Variants in ELFN1 observed in about 807,000 individuals in gnomAD.
ELFN1 encodes the protein protein ELFN1.
In ELFN1, 6 loss-of-function variants were observed where a neutral mutation model predicts 7.6. The ratio of observed to expected loss-of-function variants is 0.79; its 90% CI spans 0.43 to 1.56. ELFN1 has a LOEUF of 1.56. Ranked by LOEUF, ELFN1 falls within the 40% of genes most tolerant of loss-of-function variation. ELFN1 has a pLI of 0.01. For missense variants in ELFN1, 1,169 were observed against 1,232.2 expected (o/e 0.95, Z 0.77); for synonymous variants, 657 against 588.1 (o/e 1.12, Z -1.70).
intron 3 of ELFN1, among the ~76,000 whole-genome samples, chr7:1,736,820 G>A (rs554353523): frequency 5.3e-5 from 8 of 152,162 alleles, no homozygotes; most frequent in Non-Finnish European, 1.0e-4. Context: ...TCCTGCTGTG[G>A]CCAGCTCTCC....
chr7:1,689,553 C>T (rs995547563), intron 2 of ELFN1, among the ~76,000 whole-genome samples: 1 of 152,200 alleles, frequency 6.6e-6, no homozygotes, highest in African/African-American at 2.4e-5. Context: ...TCCACCTTTG[C>T]TGGGGGCTGG....
At chr7:1,713,279 C>T (rs761237223) in intron 3 of ELFN1, among the ~76,000 whole-genome samples, 1 of 152,196 alleles carries the variant, frequency 6.6e-6, no homozygotes, top group Non-Finnish European at 1.5e-5. Flanking sequence ...GTAGATGGGA[C>T]GCTTCCCAGC....
At chr7:1,679,581 C>T (rs1009203073) in intron 1 of ELFN1, among the ~76,000 whole-genome samples, 7 of 152,180 alleles carry the variant, frequency 4.6e-5, no homozygotes, top group South Asian at 2.1e-4. Context: ...CGAGCTCTCC[C>T]GGGGAGGATG....
intron 3 of ELFN1, among the ~76,000 whole-genome samples, chr7:1,741,928 A>G (rs983401977): frequency 1.3e-5 from 2 of 152,074 alleles, no homozygotes; most frequent in South Asian, 2.1e-4. Flanking sequence ...CATGTACACA[A>G]TCACCTGCCC....
At position 1,747,158 on chromosome 7, in the gene ELFN1, A is replaced by G; in HGVS notation, c.*75A>G. 7.4e-7 allele frequency: 1 copy of G among 1,359,304 alleles called. No homozygotes were observed. The highest frequency in any genetic ancestry group is 1.7e-5 in the South Asian group (1 of 57,842). 84.2% of individuals were successfully genotyped at this position (1,359,304 alleles called of 1,614,324 possible). ...ACCCAGAGACTCAGCACCAAACCCA[A>G]CACACGCACGCCACCACAGCAACTG... On this transcript the variant is annotated 3_prime_UTR_variant, in exon 4 of 4. Transcript: ENST00000424383.
chr7:1,666,129 C>T (rs1164030620), upstream of ELFN1, among the ~76,000 whole-genome samples: 6 of 152,132 alleles, frequency 3.9e-5, no homozygotes, highest in African/African-American at 1.2e-4. This position sits in a 1 kb window ranked among gnomAD's most constrained non-coding sequence, Gnocchi z 7.9. Context: ...CTCTGCTCGC[C>T]CGCGACAGTG....
In ELFN1 at chr7:1,673,049, G is replaced by C. The variant is rs1012958897; in HGVS notation, c.-549+2695G>C. ...TGAACCTGGAGCGGATGGTGGCACC[G>C]CCGCGGACATTGGATACATTTGTCA... On this transcript the variant is annotated intron_variant, in intron 1 of 3. Transcript: ENST00000424383. The surrounding 1 kb of genome is among the most constrained non-coding windows in gnomAD (Gnocchi z 4.7). Among the ~76,000 whole-genome samples, 2 of 151,896 alleles carry C rather than the reference G, an allele frequency of 1.3e-5. No individual in the cohort carries two copies. The highest frequency in any genetic ancestry group is 3.9e-4 in the East Asian group (2 of 5,174).
intron 2 of ELFN1, among the ~76,000 whole-genome samples, chr7:1,691,695 C>T (rs542641724): frequency 2.4e-4 from 36 of 152,282 alleles, no homozygotes; most frequent in Non-Finnish European, 4.7e-4. Flanking sequence ...CATCAGTGGC[C>T]GGTGAGAGCC....
At chr7:1,696,382 T>G (rs1017783233) in intron 2 of ELFN1, among the ~76,000 whole-genome samples, 6 of 150,032 alleles carry the variant, frequency 4.0e-5, no homozygotes, top group Non-Finnish European at 4.4e-5. Flanking sequence ...CCTGGTGTCT[T>G]TCTTTCTTTC....
At chr7:1,685,294 G>C (rs1779043559) in intron 1 of ELFN1, among the ~76,000 whole-genome samples, 1 of 152,026 alleles carries the variant, frequency 6.6e-6, no homozygotes, top group East Asian at 1.9e-4. Context: ...GATTTTTCTT[G>C]TGTTCATCTT....
At position 1,732,136 on chromosome 7, in the gene ELFN1, C is replaced by T. The variant is rs532113419; in HGVS notation, c.-293-12168C>T. On this transcript the variant is annotated intron_variant, in intron 3 of 3. Transcript: ENST00000424383. Reference sequence around the variant, plus strand: ...AGAGCCTGGCAGCGTGGGGTCACAGCGGAGCAAGCACAGGCAGCCCCGGTT... The same window carrying T: ...AGAGCCTGGCAGCGTGGGGTCACAGTGGAGCAAGCACAGGCAGCCCCGGTT... Among the ~76,000 whole-genome samples the T allele has an allele frequency of 1.4e-4, 21 of 152,220 alleles. No homozygotes were observed. The South Asian group carries it at 3.7e-3, about 27-fold the overall frequency.
intron 3 of ELFN1, among the ~76,000 whole-genome samples, chr7:1,714,865 G>T (rs998664621): frequency 1.3e-5 from 2 of 152,204 alleles, no homozygotes; most frequent in Non-Finnish European, 2.9e-5. Flanking sequence ...TTTTTCTTAC[G>T]CAAAGACAGC....
chr7:1,704,936 C>T (rs1392671718), intron 2 of ELFN1, among the ~76,000 whole-genome samples: 2 of 152,132 alleles, frequency 1.3e-5, no homozygotes, highest in Non-Finnish European at 1.5e-5. Flanking sequence ...TGCGTGTCCC[C>T]GTCAGAATGT....
chr7:1,684,455 T>C (rs575460125), intron 1 of ELFN1, among the ~76,000 whole-genome samples: 2 of 152,198 alleles, frequency 1.3e-5, no homozygotes, highest in Non-Finnish European at 2.9e-5. Flanking sequence ...GTTTAGTCCA[T>C]TCACACTTAA....
At chr7:1,736,908 C>T (rs1780464179) in intron 3 of ELFN1, among the ~76,000 whole-genome samples, 1 of 152,056 alleles carries the variant, frequency 6.6e-6, no homozygotes, top group Non-Finnish European at 1.5e-5. Flanking sequence ...TCTCTCCTCC[C>T]ACCCCTTCTG....
intron 1 of ELFN1, among the ~76,000 whole-genome samples, chr7:1,678,757 C>A (rs564710624): frequency 4.6e-5 from 7 of 152,238 alleles, no homozygotes; most frequent in Admixed American, 2.0e-4. Context: ...TCTGTCTGCC[C>A]ACGTGGGTGC....
intron 3 of ELFN1, among the ~76,000 whole-genome samples, chr7:1,736,456 T>A (rs1409668947): frequency 6.6e-6 from 1 of 152,210 alleles, no homozygotes. Flanking sequence ...AGCACGGCTG[T>A]TGTGATTATG....
chr7:1,747,066 G>A lies in ELFN1; in HGVS notation c.2470G>A (p.Ala824Thr), dbSNP rs1330280668. 1 of 1,511,006 alleles carries A rather than the reference G, an allele frequency of 6.6e-7. No homozygotes were observed. Among genetic ancestry groups the A allele is most frequent in the Non-Finnish European group, 8.9e-7 (1 of 1,123,024 alleles). 93.6% of individuals were successfully genotyped at this position (1,511,006 alleles called of 1,614,324 possible). A position where few individuals can be genotyped will look rare whatever the true frequency, so the allele number is the denominator to read the frequency against. The change falls in exon 4 of 4, where the codon GCC (alanine) becomes ACC (threonine). Residue 824 changes from alanine to threonine, a missense_variant. Ala to Thr is a moderately conservative substitution (Grantham distance 58). Coordinates refer to ENST00000424383, the MANE Select transcript of ELFN1 (RefSeq NM_001128636.4). ...DILDYWKGVS[A>T]QHKS Reference sequence around the variant, plus strand: ...CCTGGACTACTGGAAGGGCGTGTCGGCCCAGCACAAGTCCTGAGCCCCCCA... The same window carrying A: ...CCTGGACTACTGGAAGGGCGTGTCGACCCAGCACAAGTCCTGAGCCCCCCA...
chr7:1,742,587 G>A (rs533455929), intron 3 of ELFN1, among the ~76,000 whole-genome samples: 1 of 152,298 alleles, frequency 6.6e-6, no homozygotes, highest in South Asian at 2.1e-4. Context: ...CGGACCACGT[G>A]GGGACCCCAT....
Sources: gnomAD v4.1 joint callset for allele counts (sites outside exome capture counted in the v4.1 genomes callset) on GRCh38, gnomAD v4.1.1 for gene constraint, Gnocchi (gnomAD v3.1) non-coding constraint, MANE v1.5 for transcripts, NCBI Gene and HGNC (gene_info 2026-07-23, HGNC 2026-07-21) for gene names.